The following PDE8A variants were observed in gnomAD, a reference collection of about 807,000 sequenced individuals.
PDE8A encodes phosphodiesterase 8A.
PDE8A carries 59 observed loss-of-function variants against 105.0 expected under a neutral mutation model. The observed-to-expected ratio is 0.56, with a 90% CI of 0.46 to 0.70. The LOEUF (loss-of-function observed/expected upper bound fraction) is 0.70, where lower values mean the gene tolerates loss of function less well. Among genes scored for constraint, PDE8A ranks in the 30% least tolerant of loss-of-function variants. The probability of loss-of-function intolerance (pLI) is 0.00; values close to 1 mark genes in which losing one functional copy is unlikely to be tolerated. For synonymous variants in PDE8A, 355 were observed against 371.9 expected (o/e 0.95, Z 0.52); for missense variants, 1,014 against 1,045.9 (o/e 0.97, Z 0.42).
chr15:85,042,268 C>G (rs931337860), intron 1 of PDE8A, among the ~76,000 whole-genome samples: 3 of 152,060 alleles, frequency 2.0e-5, no homozygotes, highest in Admixed American at 1.3e-4. Flanking sequence ...CCTCAAACTC[C>G]TTGGCTCAAT....
chr15:85,071,432 A>T (rs2081309206), intron 3 of PDE8A, among the ~76,000 whole-genome samples: 1 of 152,212 alleles, frequency 6.6e-6, no homozygotes, highest in South Asian at 2.1e-4. Context: ...GAAGAGAGGG[A>T]TATGGACAGA....
At position 85,120,836 on chromosome 15, in the gene PDE8A, G is replaced by A. The variant is rs750948067; in HGVS notation, c.1774G>A (p.Ala592Thr). Residue 592 changes from alanine (A) to threonine (T), a missense_variant, in exon 18 of 22, where the codon GCA becomes ACA. Transcript: ENST00000394553. ...DPIDEVAALIAATIHDVDHPG... is the reference protein window; with the variant it reads ...DPIDEVAALITATIHDVDHPG... The stretch of plus-strand genomic sequence containing the variant: ...AATTGATGAGGTCGCTGCACTCATC[G>A]CAGCCACCATTCATGATGTGGATCA... 10 of 1,613,710 alleles carry A rather than the reference G, an allele frequency of 6.2e-6. No homozygotes were observed. The highest frequency in any genetic ancestry group is 7.6e-6 in the Non-Finnish European group (9 of 1,179,826).
chr15:85,053,107 G>GTTTGTCAAA (rs1418769242), intron 1 of PDE8A, among the ~76,000 whole-genome samples: 12 of 152,066 alleles, frequency 7.9e-5, no homozygotes, highest in Admixed American at 7.9e-4. Flanking sequence ...TTTTTGTCAG[G>GTTTGTCAAA]TTTGTCAAAG....
chr15:85,025,871 A>G (rs1268490899), intron 1 of PDE8A, among the ~76,000 whole-genome samples: 3 of 152,192 alleles, frequency 2.0e-5, no homozygotes, highest in Admixed American at 6.5e-5. Flanking sequence ...GTTTGGTCCC[A>G]GTGAGTCTCA....
At chr15:85,039,496 G>A (rs1475703513) in intron 1 of PDE8A, among the ~76,000 whole-genome samples, 1 of 151,934 alleles carries the variant, frequency 6.6e-6, no homozygotes, top group Non-Finnish European at 1.5e-5. Context: ...TTCACACGCT[G>A]TTAGTAGTAT....
At chr15:85,035,723 A>G (rs1262328446) in intron 1 of PDE8A, among the ~76,000 whole-genome samples, 1 of 152,212 alleles carries the variant, frequency 6.6e-6, no homozygotes, top group African/African-American at 2.4e-5. Flanking sequence ...TCTTTTCTCA[A>G]GAGCTATTCT....
intron 11 of PDE8A, among the ~76,000 whole-genome samples, chr15:85,102,746 G>GGA (rs1201541733): frequency 6.6e-6 from 1 of 151,562 alleles, no homozygotes; most frequent in Non-Finnish European, 1.5e-5. Context: ...GGCTGAGGCA[G>GGA]GAGAATCACT....
In PDE8A at chr15:85,137,864, CG is replaced by C; in HGVS notation, c.2452del (p.Glu818LysfsTer2). The C allele has an allele frequency of 1.9e-6, 3 of 1,613,264 alleles. No homozygotes were observed. Among genetic ancestry groups the C allele is most frequent in the Non-Finnish European group, 2.5e-6 (3 of 1,179,178 alleles). On this transcript the variant is annotated frameshift_variant, in exon 22 of 22. Transcript: ENST00000394553. LOFTEE classifies it high-confidence loss of function. ...ACTTTAAATACTGGAAAGGACTGGA[CG>C]AAATGAAGCTGCGGAACCTCCGACC... Reference protein sequence around the residue: ...NNFKYWKGLDEMKLRNLRPPP... With the variant: ...NNFKYWKGLDXMKLRNLRPPP...
intron 20 of PDE8A, among the ~76,000 whole-genome samples, chr15:85,132,197 C>G (rs1202986926): frequency 6.6e-6 from 1 of 152,078 alleles, no homozygotes; most frequent in Admixed American, 6.5e-5. Flanking sequence ...GTCTTGAACT[C>G]CTGGGTTCAA....
At chr15:85,035,384 AT>A (rs1277594336) in intron 1 of PDE8A, among the ~76,000 whole-genome samples, 1 of 151,414 alleles carries the variant, frequency 6.6e-6, no homozygotes, top group African/African-American at 2.4e-5. Context: ...AATTTTTTGT[AT>A]TTTTAGTAGA....
Position 85,126,243 on chromosome 15 carries a change from C to T in PDE8A, c.2122C>T (p.Leu708Phe). The T allele has an allele frequency of 6.2e-7, 1 of 1,612,434 alleles. No individual in the cohort carries two copies. The highest frequency in any genetic ancestry group is 8.5e-7 in the Non-Finnish European group (1 of 1,179,200). Reference sequence around the variant, plus strand: ...AAACCAGGAAGTGATAAACACTATGCTTAGGACTCCAGAGAACCGGACCCT... The same window carrying T: ...AAACCAGGAAGTGATAAACACTATGTTTAGGACTCCAGAGAACCGGACCCT... Reference protein sequence around the residue: ...DKNQEVINTMLRTPENRTLIK... With the variant: ...DKNQEVINTMFRTPENRTLIK... The change falls in exon 20 of 22, where the codon CTT becomes TTT. Residue 708 changes from leucine (L) to phenylalanine (F), a missense_variant. Physicochemically the swap from Leu to Phe is conservative, Grantham distance 22. Transcript: ENST00000394553.
intron 1 of PDE8A, among the ~76,000 whole-genome samples, chr15:85,013,611 CA>C (rs2080275303): frequency 6.6e-6 from 1 of 152,114 alleles, no homozygotes; most frequent in Admixed American, 6.6e-5. Flanking sequence ...ATAACATGTA[CA>C]AAAGTAGAAT....
chr15:85,054,163 G>A (rs1306590230), intron 1 of PDE8A, among the ~76,000 whole-genome samples: 5 of 152,196 alleles, frequency 3.3e-5, no homozygotes, highest in African/African-American at 1.2e-4. Context: ...TCCCAGAGAT[G>A]AAGCCAACTT....
At chr15:85,120,224 C>T (rs2082160035) in intron 17 of PDE8A, 1 of 151,796 alleles carries the variant, frequency 6.6e-6, no homozygotes, top group Admixed American at 6.6e-5. Context: ...CAAAAGTTGG[C>T]TCCTGACCCA....
At chr15:85,012,709 TA>T (rs879607776) in intron 1 of PDE8A, among the ~76,000 whole-genome samples, 6,136 of 145,450 alleles carry the variant, frequency 0.042, 148 homozygotes, top group Middle Eastern at 0.06. Flanking sequence ...AATAATAGAA[TA>T]AAAAAAAAAG....
At chr15:84,998,161 C>T (rs1160257210) in intron 1 of PDE8A, among the ~76,000 whole-genome samples, 1 of 152,222 alleles carries the variant, frequency 6.6e-6, no homozygotes. Context: ...CCATATCCAA[C>T]TTACTTTCTC....
chr15:85,137,303 C>T (rs1567311038), intron 21 of PDE8A, among the ~76,000 whole-genome samples: 1 of 152,164 alleles, frequency 6.6e-6, no homozygotes, highest in Non-Finnish European at 1.5e-5. Context: ...TTGGGGGACA[C>T]TGCATACTCT....
intron 1 of PDE8A, among the ~76,000 whole-genome samples, chr15:84,989,484 G>A (rs2079852890): frequency 6.6e-6 from 1 of 152,194 alleles, no homozygotes; most frequent in Admixed American, 6.5e-5. Flanking sequence ...CAGTTCCCAG[G>A]TTGTCTGCAA....
rs980929801 is a variant in PDE8A at position 85,126,471 on chromosome 15, T to TA, written c.2253+104dup. 18 of 953,358 alleles carry TA rather than the reference T, an allele frequency of 1.9e-5. No homozygotes were observed. In the African/African-American group the frequency reaches 2.9e-4, roughly 15 times the overall value. 59.1% of individuals were successfully genotyped at this position (953,358 alleles called of 1,614,324 possible). A position where few individuals can be genotyped will look rare whatever the true frequency, so the allele number is the denominator to read the frequency against. On this transcript the variant is annotated intron_variant, in intron 20 of 21. Coordinates refer to ENST00000394553, the MANE Select transcript of PDE8A (RefSeq NM_002605.3). ...GACTTAACACTAGGAAATAGGGTTC[T>TA]AAAAAAATTCTGTCCTTGTTTTGCA...
Sources: gnomAD v4.1 joint callset for allele counts (sites outside exome capture counted in the v4.1 genomes callset) on GRCh38, gnomAD v4.1.1 for gene constraint, MANE v1.5 for transcripts, NCBI Gene and HGNC (gene_info 2026-07-23, HGNC 2026-07-21) for gene names.